The following SCN11A variants were observed in gnomAD, a reference collection of about 807,000 sequenced individuals.
The protein encoded by SCN11A is sodium channel protein type 11 subunit alpha.
A neutral mutation model predicts 162.2 loss-of-function variants in SCN11A; 122 were observed. The observed-to-expected ratio is 0.75, with a 90% CI of 0.65 to 0.87. SCN11A has a LOEUF of 0.87. SCN11A is among the 40% of genes least tolerant of loss of function. The pLI is 0.00. For synonymous variants in SCN11A, 758 were observed against 751.5 expected, an observed-to-expected ratio of 1.01 and a Z score of -0.14; for missense variants, 2,015 against 2,181.6, an observed-to-expected ratio of 0.92 and a Z score of 1.52.
chr3:38,982,840 G>T (rs899002778), intron 2 of SCN11A, among the ~76,000 whole-genome samples: 45 of 152,116 alleles, frequency 3.0e-4, no homozygotes, highest in Non-Finnish European at 3.2e-4. Flanking sequence ...ATGTGATCTT[G>T]GGGGAGACCA....
intron 19 of SCN11A, among the ~76,000 whole-genome samples, chr3:38,892,957 A>C (rs2065524162): frequency 1.3e-5 from 2 of 152,120 alleles, no homozygotes; most frequent in Non-Finnish European, 2.9e-5. Context: ...TAAAGGAAAA[A>C]ACATGGAAGA....
intron 2 of SCN11A, among the ~76,000 whole-genome samples, chr3:38,985,221 G>A (rs1365293547): frequency 8.1e-5 from 12 of 147,348 alleles, no homozygotes; most frequent in African/African-American, 2.9e-4. Context: ...TCTGCCTCCC[G>A]GGTTTATGCC....
At chr3:38,883,473 G>T in intron 21 of SCN11A, 86 bp from the exon 22 acceptor site, 1 of 1,323,562 alleles carries the variant, frequency 7.6e-7, no homozygotes, top group Non-Finnish European at 1.0e-6. Context: ...CTGTGTTCAT[G>T]CCCCTTGCCA....
At chr3:38,945,614 G>T in intron 6 of SCN11A, 102 bp from the exon 7 acceptor site, 1 of 644,430 alleles carries the variant, frequency 1.6e-6, no homozygotes, top group Non-Finnish European at 2.6e-6. Context: ...TTCTGCAGGT[G>T]CATCTATCTT....
rs2064697675 is a variant in SCN11A at position 38,847,667 on chromosome 3, G to A, written c.4403C>T (p.Ala1468Val). The change falls in exon 30 of 30, where the codon GCT becomes GTT. Residue 1468 changes from alanine (A) to valine (V), a missense_variant. Physicochemically the swap from Ala to Val is moderately conservative, Grantham distance 64 (BLOSUM62 0). Coordinates refer to ENST00000302328, the MANE Select transcript of SCN11A (RefSeq NM_001349253.2). ...AAGCCTCAGGATTCGGCCAATCCGA[G>A]CCAAGCGGACAATTCTGAAGAGCGT... ...PPTLFRIVRL[A>V]RIGRILRLVR... 1.2e-6 allele frequency: 2 copies of A among 1,613,756 alleles called. No individual in the cohort carries two copies. The highest frequency in any genetic ancestry group is 1.7e-6 in the Non-Finnish European group (2 of 1,179,780).
intron 2 of SCN11A, among the ~76,000 whole-genome samples, chr3:38,995,799 G>GTCTATCTATCTGTCTGTCTGTCTATCTA (rs774413656): frequency 1.7e-4 from 23 of 131,480 alleles, no homozygotes; most frequent in African/African-American, 6.0e-4. Flanking sequence ...ACAATAAATT[G>GTCTATCTATCTGTCTGTCTGTCTATCTA]TCTATCTATC....
intron 2 of SCN11A, among the ~76,000 whole-genome samples, chr3:39,023,068 C>T (rs1414240595): frequency 2.6e-5 from 4 of 151,958 alleles, no homozygotes; most frequent in African/African-American, 7.3e-5. Context: ...TGTGGTTATG[C>T]TTTTTAAAAG....
intron 28 of SCN11A, among the ~76,000 whole-genome samples, chr3:38,853,987 A>G (rs575267707): frequency 6.6e-6 from 1 of 152,316 alleles, no homozygotes; most frequent in African/African-American, 2.4e-5. Context: ...GGATTCATAG[A>G]GCACAGGGAT....
At chr3:39,037,691 C>G (rs1249709164) in intron 1 of SCN11A, among the ~76,000 whole-genome samples, 3 of 151,994 alleles carry the variant, frequency 2.0e-5, no homozygotes, top group African/African-American at 7.3e-5. Flanking sequence ...CAAACACTAT[C>G]CCATTTTATA....
At chr3:38,928,168 G>T (rs2066173682) in intron 7 of SCN11A, among the ~76,000 whole-genome samples, 1 of 152,158 alleles carries the variant, frequency 6.6e-6, no homozygotes, top group Non-Finnish European at 1.5e-5. Flanking sequence ...ATGGATTAAA[G>T]TCCTAAATGT....
chr3:38,988,052 T>A (rs545813865), intron 2 of SCN11A, among the ~76,000 whole-genome samples: 2 of 152,232 alleles, frequency 1.3e-5, no homozygotes, highest in Admixed American at 1.3e-4. Flanking sequence ...AAATGGGAAT[T>A]TGAGGCTCCT....
intron 27 of SCN11A, among the ~76,000 whole-genome samples, chr3:38,865,968 C>T (rs2065033648): frequency 6.6e-6 from 1 of 152,068 alleles, no homozygotes; most frequent in Non-Finnish European, 1.5e-5. Context: ...AATAAGGGTA[C>T]CTAGCACAGC....
intron 22 of SCN11A, 102 bp downstream of exon 22, chr3:38,883,131 G>T: frequency 9.8e-7 from 1 of 1,020,030 alleles, no homozygotes; most frequent in Non-Finnish European, 1.4e-6. Flanking sequence ...GACCACTTCT[G>T]TCTGGTCTCC....
At chr3:39,049,198 T>C (rs533035307) in intron 1 of SCN11A, among the ~76,000 whole-genome samples, 1 of 152,322 alleles carries the variant, frequency 6.6e-6, no homozygotes, top group Non-Finnish European at 1.5e-5. Context: ...CAGGACAGTA[T>C]CAAAAAGGGT....
chr3:38,934,805 C>A (rs1454888926), intron 7 of SCN11A, among the ~76,000 whole-genome samples: 2 of 151,942 alleles, frequency 1.3e-5, no homozygotes, highest in African/African-American at 2.4e-5. Flanking sequence ...CACTGTCAAC[C>A]TTAGACAGAT....
chr3:39,042,334 A>C (rs2032067748), intron 1 of SCN11A, among the ~76,000 whole-genome samples: 1 of 152,238 alleles, frequency 6.6e-6, no homozygotes, highest in Admixed American at 6.5e-5. Context: ...TTGTAAAGAC[A>C]CACATAGACT....
chr3:38,849,162 T>C (rs781725595), intron 29 of SCN11A: 14 of 151,962 alleles, frequency 9.2e-5, no homozygotes, highest in Non-Finnish European at 1.3e-4. Context: ...TGGAAGGAGC[T>C]GTTGGAATGA....
At chr3:38,941,467 T>C (rs531437944) in intron 7 of SCN11A, among the ~76,000 whole-genome samples, 2 of 152,186 alleles carry the variant, frequency 1.3e-5, no homozygotes, top group African/African-American at 4.8e-5. Flanking sequence ...GGAAAAAAAA[T>C]GTCTTTAAAA....
At chr3:38,998,728 TA>T (rs2030718563) in intron 2 of SCN11A, among the ~76,000 whole-genome samples, 1 of 151,834 alleles carries the variant, frequency 6.6e-6, no homozygotes, top group Non-Finnish European at 1.5e-5. Context: ...TATGCAGCCA[TA>T]AAAACTGATG....
Sources: gnomAD v4.1 joint callset for allele counts (sites outside exome capture counted in the v4.1 genomes callset) on GRCh38, gnomAD v4.1.1 for gene constraint, MANE v1.5 for transcripts, NCBI Gene and HGNC (gene_info 2026-07-23, HGNC 2026-07-21) for gene names.